Variants in TRIM38 observed in about 807,000 individuals in gnomAD.
TRIM38 encodes E3 ubiquitin-protein ligase TRIM38.
In TRIM38, 35 loss-of-function variants were observed where a neutral mutation model predicts 35.8. That is an observed-to-expected ratio of 0.98 (90% CI 0.75 to 1.30). The LOEUF is 1.30. Among genes scored for constraint, TRIM38 ranks in the 50% most tolerant of loss-of-function variants. The pLI is 0.00. For synonymous variants in TRIM38, 198 were observed against 204.7 expected (o/e 0.97, Z 0.28); for missense variants, 545 against 556.9 (o/e 0.98, Z 0.21).
chr6:25,978,336 G>A (rs1435696146), intron 7 of TRIM38, among the ~76,000 whole-genome samples: 1 of 151,022 alleles, frequency 6.6e-6, no homozygotes, highest in African/African-American at 2.4e-5. Flanking sequence ...ATCTCTATAT[G>A]CTATAGATAT....
rs528066929 is a variant in TRIM38 at position 25,984,410 on chromosome 6, T to C, written c.*723T>C. ...TAAATAGTTATTGCTGAAATGGCTG[T>C]TGGCAGTTCTTATTATGATTCAGAG... On this transcript the variant is annotated 3_prime_UTR_variant, in exon 8 of 8. Transcript: ENST00000357085. 6.6e-6 allele frequency: 1 copy of C among 152,360 alleles called. No homozygotes were observed. The highest frequency in any genetic ancestry group is 1.5e-5 in the Non-Finnish European group (1 of 68,044). The allele number at this position is 152,360 out of a possible 1,614,324, so 9.4% of individuals were successfully genotyped here. A position where few individuals can be genotyped will look rare whatever the true frequency, so the allele number is the denominator to read the frequency against.
Position 25,971,850 on chromosome 6 carries a change from CA to C in TRIM38, c.508-18del. 3 of 1,605,124 alleles carry C rather than the reference CA, an allele frequency of 1.9e-6. No homozygotes were observed. The highest frequency in any genetic ancestry group is 2.6e-6 in the Non-Finnish European group (3 of 1,172,314). ...ATTTGGTTTACTTCCACCTTTTGACCATACTTTCTTGACTCCAGGAGAAGGT... is the reference window on the plus strand; with the variant it reads ...ATTTGGTTTACTTCCACCTTTTGACCTACTTTCTTGACTCCAGGAGAAGGT... On this transcript the variant is annotated intron_variant, in intron 4 of 7. Coordinates refer to ENST00000357085, the MANE Select transcript of TRIM38 (RefSeq NM_006355.5).
chr6:25,964,414 T>C (rs1162778659), intron 2 of TRIM38, among the ~76,000 whole-genome samples: 1 of 152,036 alleles, frequency 6.6e-6, no homozygotes, highest in African/African-American at 2.4e-5. Flanking sequence ...AAATGAATAT[T>C]TGGGAGGATG....
intron 4 of TRIM38, among the ~76,000 whole-genome samples, chr6:25,970,281 C>A (rs917455551): frequency 6.6e-6 from 1 of 152,194 alleles, no homozygotes; most frequent in Non-Finnish European, 1.5e-5. Context: ...TACAAACTTT[C>A]AGATTATTTC....
rs963309393 is a variant in TRIM38, at chr6:25,981,554, G to A, written c.875-1610G>A. 2.0e-5 allele frequency among the ~76,000 whole-genome samples: 3 copies of A among 152,006 alleles called. No individual in the cohort carries two copies. The South Asian group carries it at 6.2e-4, about 32-fold the overall frequency. On this transcript the variant is annotated intron_variant, in intron 7 of 7. Coordinates refer to ENST00000357085, the MANE Select transcript of TRIM38 (RefSeq NM_006355.5). ...CATACTGTTCAGTATCTCACTTTAG[G>A]TTATCAGATCTTTTTTCTGTCTTGT...
rs1760705449 is a variant in TRIM38, at chr6:25,986,291, C to G, written c.*2604C>G. 1 of 152,122 alleles carries G rather than the reference C, an allele frequency of 6.6e-6. No individual in the cohort carries two copies. The highest frequency in any genetic ancestry group is 1.5e-5 in the Non-Finnish European group (1 of 68,028). The allele number at this position is 152,122 out of a possible 1,614,324, so 9.4% of individuals were successfully genotyped here. On this transcript the variant is annotated 3_prime_UTR_variant, in exon 8 of 8. Coordinates refer to ENST00000357085, the MANE Select transcript of TRIM38 (RefSeq NM_006355.5). ...CCTGTAATCCTGTCACTTTGGGAGGCTGAGATGGGAGGATCACTTGAGGCT... is the reference window on the plus strand; with the variant it reads ...CCTGTAATCCTGTCACTTTGGGAGGGTGAGATGGGAGGATCACTTGAGGCT...
rs771945158 is a variant in TRIM38, at chr6:25,983,668, T to A, written c.1379T>A (p.Leu460Gln). Residue 460 changes from leucine (L) to glutamine (Q), a missense_variant, in exon 8 of 8, where the codon CTG (leucine) becomes CAG (glutamine). Transcript: ENST00000357085. ...FQVYQYSPLFLPPPGD is the reference protein window; with the variant it reads ...FQVYQYSPLFQPPPGD ...GTTTATCAATATTCTCCTTTGTTTC[T>A]GCCTCCCCCAGGTGACTAAGGAAAA... The A allele has an allele frequency of 6.3e-7, 1 of 1,596,554 alleles. No individual in the cohort carries two copies. Among genetic ancestry groups the A allele is most frequent in the East Asian group, 2.2e-5 (1 of 44,798 alleles).
At chr6:25,963,782 C>T (rs568593281) in intron 2 of TRIM38, among the ~76,000 whole-genome samples, 1 of 152,256 alleles carries the variant, frequency 6.6e-6, no homozygotes, top group African/African-American at 2.4e-5. Flanking sequence ...TTCCATTATC[C>T]TCCTGGTTGG....
At chr6:25,969,490 G>A in intron 4 of TRIM38, 70 bp downstream of exon 4, 1 of 1,280,296 alleles carries the variant, frequency 7.8e-7, no homozygotes, top group Non-Finnish European at 1.1e-6. Context: ...GATGATTGAG[G>A]AAAAGCACAA....
chr6:25,973,010 T>C (rs199595681), intron 5 of TRIM38, 44 bp from the exon 6 acceptor site: 12 of 1,613,608 alleles, frequency 7.4e-6, no homozygotes, highest in Non-Finnish European at 1.0e-5. Flanking sequence ...CCCCATGAAA[T>C]ACCGATGTTC....
chr6:25,969,523 C>A, intron 4 of TRIM38, 103 bp downstream of exon 4: 3 of 949,874 alleles, frequency 3.2e-6, no homozygotes, highest in South Asian at 2.3e-5. Flanking sequence ...CTCACTAAAC[C>A]AGATTGAAAA....
intron 7 of TRIM38, among the ~76,000 whole-genome samples, chr6:25,982,060 C>A (rs189160353): frequency 1.3e-5 from 2 of 152,106 alleles, no homozygotes; most frequent in Non-Finnish European, 2.9e-5. Flanking sequence ...CAAAACCCCT[C>A]GTGGCCTTTG....
At position 25,962,839 on chromosome 6, in the gene TRIM38, G is replaced by C. The variant is rs1368154656; in HGVS notation, c.-439G>C. 6 of 152,308 alleles carry C rather than the reference G, an allele frequency of 3.9e-5. No homozygotes were observed. The highest frequency in any genetic ancestry group is 8.8e-5 in the Non-Finnish European group (6 of 68,086). The allele number at this position is 152,308 out of a possible 1,614,324, so 9.4% of individuals were successfully genotyped here. ...ACCCAGGAAGTGGCAGCAACAGAGG[G>C]GACTAGCAGCGAATATGTAAGTGTC... On this transcript the variant is annotated 5_prime_UTR_variant, in exon 1 of 8. Coordinates refer to ENST00000357085, the MANE Select transcript of TRIM38 (RefSeq NM_006355.5).
At chr6:25,976,105 C>T (rs565739860) in intron 7 of TRIM38, among the ~76,000 whole-genome samples, 71 of 152,272 alleles carry the variant, frequency 4.7e-4, no homozygotes, top group Middle Eastern at 6.8e-3. Context: ...TATCACAGTC[C>T]TCTCTATATG....
chr6:25,966,672 G>A lies in TRIM38; in HGVS notation c.150G>A (p.Lys50=). ...ITDFFKNPSQ[K]QLRQETFCCP... is the part of the protein sequence containing the mutation. ...ACTTCTTTAAAAACCCAAGCCAAAA[G>A]CAACTGAGGCAGGAGACATTCTGCT... Residue 50 remains lysine (K), a synonymous_variant, in exon 3 of 8, where the codon AAG becomes AAA. Transcript: ENST00000357085. 6.2e-7 allele frequency: 1 copy of A among 1,614,112 alleles called. No individual in the cohort carries two copies. The highest frequency in any genetic ancestry group is 2.2e-5 in the East Asian group (1 of 44,888).
chr6:25,984,172 G>C lies in TRIM38; in HGVS notation c.*485G>C, dbSNP rs1014309988. 1 of 153,750 alleles carries C rather than the reference G, an allele frequency of 6.5e-6. No individual in the cohort carries two copies. Among genetic ancestry groups the C allele is most frequent in the Non-Finnish European group, 1.4e-5 (1 of 69,010 alleles). The allele number at this position is 153,750 out of a possible 1,614,324, so 9.5% of individuals were successfully genotyped here. A position where few individuals can be genotyped will look rare whatever the true frequency, so the allele number is the denominator to read the frequency against. On this transcript the variant is annotated 3_prime_UTR_variant, in exon 8 of 8. Coordinates refer to ENST00000357085, the MANE Select transcript of TRIM38 (RefSeq NM_006355.5). ...ATGTTGTTTAATAATCTAAGCGGCA[G>C]TCCTGGAGGCTACCAGACTTACTGA...
chr6:25,978,504 CTG>C (rs1760459507), intron 7 of TRIM38, among the ~76,000 whole-genome samples: 1 of 151,580 alleles, frequency 6.6e-6, no homozygotes, highest in South Asian at 2.1e-4. Flanking sequence ...ATATTGATTA[CTG>C]TGTGTATATA....
rs902966230 is a variant in TRIM38 at position 25,985,229 on chromosome 6, G to GT, written c.*1544dup. 55 of 146,570 alleles carry GT rather than the reference G, an allele frequency of 3.8e-4. No individual in the cohort carries two copies. The highest frequency in any genetic ancestry group is 1.3e-3 in the African/African-American group (53 of 39,410). 9.1% of individuals were successfully genotyped at this position (146,570 alleles called of 1,614,324 possible). A position where few individuals can be genotyped will look rare whatever the true frequency, so the allele number is the denominator to read the frequency against. ...TCTTCTTACTCGGGGAAGAACAAAA[G>GT]TTAGTCACCAGAGACTTTAGACTCT... On this transcript the variant is annotated 3_prime_UTR_variant, in exon 8 of 8. Coordinates refer to ENST00000357085, the MANE Select transcript of TRIM38 (RefSeq NM_006355.5).
chr6:25,965,315 G>A (rs569600487), intron 2 of TRIM38, among the ~76,000 whole-genome samples: 13 of 152,002 alleles, frequency 8.6e-5, no homozygotes, highest in Admixed American at 2.6e-4. Flanking sequence ...ATCAAAATGT[G>A]GCAACTGGAA....
Sources: allele counts gnomAD v4.1 joint callset (sites outside exome capture counted in the v4.1 genomes callset), GRCh38; gene constraint gnomAD v4.1.1; transcripts MANE v1.5; gene names NCBI Gene and HGNC (gene_info 2026-07-23, HGNC 2026-07-21).